ZSWIM5: variants seen among roughly 807,000 people sequenced by gnomAD.
ZSWIM5 encodes zinc finger SWIM domain-containing protein 5.
Under a neutral mutation model 119.6 loss-of-function variants are expected in ZSWIM5, and 55 were observed. The ratio of observed to expected loss-of-function variants is 0.46; its 90% CI spans 0.37 to 0.58. The LOEUF (loss-of-function observed/expected upper bound fraction) is 0.58. ZSWIM5 is among the 20% of genes least tolerant of loss of function. The pLI is 0.00. For missense variants in ZSWIM5, 1,193 were observed against 1,512.8 expected, an observed-to-expected ratio of 0.79 and a Z score of 3.51; for synonymous variants, 537 against 606.9, an observed-to-expected ratio of 0.88 and a Z score of 1.69.
intron 2 of ZSWIM5, among the ~76,000 whole-genome samples, chr1:45,087,557 T>C (rs187354268): frequency 5.3e-5 from 8 of 152,360 alleles, no homozygotes; most frequent in Non-Finnish European, 7.3e-5. Context: ...TGTGCTTTCT[T>C]TTACTGTTTT....
At chr1:45,062,380 T>C (rs1645157978) in intron 2 of ZSWIM5, among the ~76,000 whole-genome samples, 1 of 152,240 alleles carries the variant, frequency 6.6e-6, no homozygotes. Context: ...TCTTATTCTC[T>C]AGGGAATTAG....
At chr1:45,073,173 T>C (rs1032456586) in intron 2 of ZSWIM5, among the ~76,000 whole-genome samples, 1 of 151,672 alleles carries the variant, frequency 6.6e-6, no homozygotes, top group Admixed American at 6.6e-5. Context: ...ATTTTATTTG[T>C]GGCCATTGTA....
At chr1:45,165,486 T>C (rs754855789) in intron 1 of ZSWIM5, among the ~76,000 whole-genome samples, 4 of 151,774 alleles carry the variant, frequency 2.6e-5, no homozygotes, top group South Asian at 2.1e-4. Context: ...CTGAAGGAGA[T>C]AGAGACACAA....
chr1:45,190,807 T>C (rs1646086909), intron 1 of ZSWIM5, among the ~76,000 whole-genome samples: 1 of 151,730 alleles, frequency 6.6e-6, no homozygotes, highest in Non-Finnish European at 1.5e-5. Context: ...GAAGCAGGAC[T>C]GGGAAGAGGA....
rs754504736 is a variant in ZSWIM5, at chr1:45,070,346, C to G, written c.953-10099G>C. 2.8e-6 allele frequency: 4 copies of G among 1,409,148 alleles called. No homozygotes were observed. The African/African-American group carries it at 4.2e-5, about 15-fold the overall frequency. 87.3% of individuals were successfully genotyped at this position (1,409,148 alleles called of 1,614,324 possible). A position where few individuals can be genotyped will look rare whatever the true frequency, so the allele number is the denominator to read the frequency against. ...CCAGAGCATACACAGTCATGGCCAA[C>G]GGCATGGGCAGCCAGGGTGGCTTCT... On this transcript the variant is annotated intron_variant, in intron 2 of 13. Transcript: ENST00000359600.
chr1:45,163,260 T>A (rs1174811598), intron 1 of ZSWIM5, among the ~76,000 whole-genome samples: 4 of 152,220 alleles, frequency 2.6e-5, no homozygotes, highest in South Asian at 4.1e-4. Context: ...CTGAGGGTCC[T>A]GACTGTTAAA....
At chr1:45,113,016 A>C (rs1215797326) in intron 1 of ZSWIM5, among the ~76,000 whole-genome samples, 1 of 152,242 alleles carries the variant, frequency 6.6e-6, no homozygotes, top group Non-Finnish European at 1.5e-5. Flanking sequence ...GATTCTAAGA[A>C]GACAACCCTC....
intron 2 of ZSWIM5, among the ~76,000 whole-genome samples, chr1:45,069,232 CTGGCTAACACGG>C (rs2149003935): frequency 6.6e-6 from 1 of 152,160 alleles, no homozygotes; most frequent in South Asian, 2.1e-4. Context: ...CGAGACCATC[CTGGCTAACACGG>C]TGACACCCCG....
At chr1:45,167,354 C>T (rs1000599940) in intron 1 of ZSWIM5, among the ~76,000 whole-genome samples, 9 of 151,408 alleles carry the variant, frequency 5.9e-5, no homozygotes, top group East Asian at 1.9e-4. Context: ...ATGTTAGACC[C>T]AAAACCATAA....
intron 2 of ZSWIM5, among the ~76,000 whole-genome samples, chr1:45,065,467 G>A (rs1301822037): frequency 1.3e-5 from 2 of 152,178 alleles, no homozygotes; most frequent in African/African-American, 4.8e-5. Context: ...TGGCACCCAG[G>A]TGATGATAAC....
chr1:45,086,777 A>C lies in ZSWIM5; in HGVS notation c.952+1104T>G, dbSNP rs145122354. 5.2e-3 allele frequency among the ~76,000 whole-genome samples: 785 copies of C among 152,296 alleles called. 5 individuals are homozygous for C. The highest frequency in any genetic ancestry group is 7.4e-3 in the Non-Finnish European group (506 of 68,024). On this transcript the variant is annotated intron_variant, in intron 2 of 13. Coordinates refer to ENST00000359600, the MANE Select transcript of ZSWIM5 (RefSeq NM_020883.2). The stretch of plus-strand genomic sequence containing the variant: ...GCACATGTACCCCAGAACTTAAAGT[A>C]TAATAAAAAATAAAAAAAATAATAA...
intron 2 of ZSWIM5, among the ~76,000 whole-genome samples, chr1:45,087,614 A>G (rs984910926): frequency 3.3e-5 from 5 of 152,360 alleles, no homozygotes; most frequent in South Asian, 2.1e-4. Flanking sequence ...CAAAGTCCAT[A>G]AACTAGACCA....
chr1:45,027,867 T>G (rs916616090), intron 11 of ZSWIM5, among the ~76,000 whole-genome samples: 1 of 151,648 alleles, frequency 6.6e-6, no homozygotes, highest in South Asian at 2.1e-4. Flanking sequence ...CTTCTTTCTT[T>G]TTGAGATGGA....
intron 1 of ZSWIM5, among the ~76,000 whole-genome samples, chr1:45,194,872 G>A (rs112583362): frequency 0.015 from 2,167 of 148,950 alleles, 66 homozygotes; most frequent in African/African-American, 0.051. Context: ...GCAAGACTCC[G>A]TCTCAAAAAA....
intron 1 of ZSWIM5, among the ~76,000 whole-genome samples, chr1:45,181,121 T>C (rs532444225): frequency 7.2e-5 from 11 of 152,084 alleles, no homozygotes; most frequent in African/African-American, 2.4e-4. Flanking sequence ...AGGCTTCAGA[T>C]GATCAAACTA....
intron 1 of ZSWIM5, among the ~76,000 whole-genome samples, chr1:45,189,132 T>C (rs1646076148): frequency 6.6e-6 from 1 of 152,120 alleles, no homozygotes; most frequent in South Asian, 2.1e-4. Flanking sequence ...CTGACCAACA[T>C]GGAAAAACTC....
At chr1:45,024,678 C>G (rs984791087) in intron 11 of ZSWIM5, among the ~76,000 whole-genome samples, 13 of 150,556 alleles carry the variant, frequency 8.6e-5, no homozygotes, top group African/African-American at 2.4e-4. Context: ...TTTTTGAGAC[C>G]AAGTCTCACT....
rs912572573 is a variant in ZSWIM5, at chr1:45,170,571, C to T, written c.595+35185G>A. On this transcript the variant is annotated intron_variant, in intron 1 of 13. Coordinates refer to ENST00000359600, the MANE Select transcript of ZSWIM5 (RefSeq NM_020883.2). ...TCCCAAATAGCTGGGATTACAGGCA[C>T]GTACCACCATGCCTGGCTAATTTTT... Among the ~76,000 whole-genome samples, 12 of 145,246 alleles carry T rather than the reference C, an allele frequency of 8.3e-5. No individual in the cohort carries two copies. The South Asian group carries it at 1.3e-3, about 16-fold the overall frequency.
intron 1 of ZSWIM5, among the ~76,000 whole-genome samples, chr1:45,169,531 T>A (rs769425028): frequency 8.8e-4 from 134 of 152,212 alleles, no homozygotes; most frequent in Non-Finnish European, 1.7e-3. Flanking sequence ...GCCCATGTAA[T>A]CATCATCAGA....
Sources: gnomAD v4.1 joint callset for allele counts (sites outside exome capture counted in the v4.1 genomes callset) on GRCh38, gnomAD v4.1.1 for gene constraint, MANE v1.5 for transcripts, NCBI Gene and HGNC (gene_info 2026-07-23, HGNC 2026-07-21) for gene names.